Variants in BMPR2 observed in about 807,000 individuals in gnomAD.
BMPR2 encodes the protein bone morphogenetic protein receptor type-2.
BMPR2 carries 29 observed loss-of-function variants against 100.8 expected under a neutral mutation model. The observed-to-expected ratio is 0.29, with a 90% CI of 0.21 to 0.39. The LOEUF (loss-of-function observed/expected upper bound fraction) is 0.39. BMPR2 is among the 10% of genes least tolerant of loss of function. The pLI, the probability that BMPR2 is intolerant of heterozygous loss-of-function variation, is 1.00. For synonymous variants in BMPR2, 382 were observed against 442.3 expected (o/e 0.86, Z 1.71); for missense variants, 1,011 against 1,274.5 (o/e 0.79, Z 3.15).
At chr2:202,493,309 T>C (rs760495439) in intron 3 of BMPR2, among the ~76,000 whole-genome samples, 2 of 152,124 alleles carry the variant, frequency 1.3e-5, no homozygotes, top group African/African-American at 4.8e-5. Flanking sequence ...ACTTTTTTTT[T>C]AAAGTTGTAT....
chr2:202,432,273 A>G (rs1420935182), intron 1 of BMPR2, among the ~76,000 whole-genome samples: 1 of 150,870 alleles, frequency 6.6e-6, no homozygotes, highest in East Asian at 1.9e-4. Flanking sequence ...ATGTTCACAT[A>G]TAAGCAGAAA....
At position 202,562,817 on chromosome 2, in the gene BMPR2, T is replaced by G. The variant is rs1002805327; in HGVS notation, c.*2871T>G. The G allele has an allele frequency of 2.6e-5, 4 of 151,110 alleles. No individual in the cohort carries two copies. Among genetic ancestry groups the G allele is most frequent in the African/African-American group, 9.7e-5 (4 of 41,086 alleles). 9.4% of individuals were successfully genotyped at this position (151,110 alleles called of 1,614,324 possible). A position where few individuals can be genotyped will look rare whatever the true frequency, so the allele number is the denominator to read the frequency against. On this transcript the variant is annotated 3_prime_UTR_variant, in exon 13 of 13. Coordinates refer to ENST00000374580, the MANE Select transcript of BMPR2 (RefSeq NM_001204.7). Reference sequence around the variant, plus strand: ...TGATTTAATTGTAAATTCTTAAAACTTTCTAAATGCATAATTGGCAAAAAA... The same window carrying G: ...TGATTTAATTGTAAATTCTTAAAACGTTCTAAATGCATAATTGGCAAAAAA...
chr2:202,544,720 G>A (rs1688342198), intron 10 of BMPR2, among the ~76,000 whole-genome samples: 1 of 141,704 alleles, frequency 7.1e-6, no homozygotes, highest in African/African-American at 2.6e-5. Flanking sequence ...AAATTCAAAA[G>A]TTTCTTAAAT....
chr2:202,540,850 T>C (rs1166438215), intron 9 of BMPR2, among the ~76,000 whole-genome samples: 1 of 152,176 alleles, frequency 6.6e-6, no homozygotes, highest in African/African-American at 2.4e-5. Flanking sequence ...CTTGGCGTTC[T>C]TCCTTCTAAT....
At position 202,496,168 on chromosome 2, in the gene BMPR2, T is replaced by C. The variant is rs188886650; in HGVS notation, c.419-17551T>C. On this transcript the variant is annotated intron_variant, in intron 3 of 12. Transcript: ENST00000374580. The stretch of plus-strand genomic sequence containing the variant: ...TCCAAAAATCCAAATGCAGGCATTA[T>C]CCAGAAAAATTTAACAGGTTTATTT... Among the ~76,000 whole-genome samples, 354 of 152,290 alleles carry C rather than the reference T, an allele frequency of 2.3e-3. 1 individual carries two copies. The highest frequency in any genetic ancestry group is 8.0e-3 in the African/African-American group (333 of 41,546).
intron 1 of BMPR2, among the ~76,000 whole-genome samples, chr2:202,445,824 G>C (rs1411020883): frequency 2.1e-5 from 3 of 144,856 alleles, no homozygotes; most frequent in African/African-American, 8.2e-5. Flanking sequence ...GCCCAGGCTG[G>C]AGTGCAGTGG....
chr2:202,525,233 G>C (rs1181059959), intron 7 of BMPR2, among the ~76,000 whole-genome samples: 3 of 151,568 alleles, frequency 2.0e-5, no homozygotes, highest in Non-Finnish European at 2.9e-5. Context: ...TTTTTTTTGA[G>C]ATGAGTCTCG....
chr2:202,379,787 A>C (rs73050800), intron 1 of BMPR2, among the ~76,000 whole-genome samples: 32,939 of 151,880 alleles, frequency 0.22, 4,186 homozygotes, highest in East Asian at 0.54. Flanking sequence ...ATTTCTTTTG[A>C]TTCCCTCTTT....
chr2:202,555,403 G>C lies in BMPR2; in HGVS notation c.1738G>C (p.Gly580Arg), dbSNP rs1224341775. The C allele has an allele frequency of 1.2e-6, 2 of 1,613,952 alleles. No homozygotes were observed. Among genetic ancestry groups the C allele is most frequent in the Admixed American group, 3.3e-5 (2 of 59,974 alleles). ...TATGTCCAGCACACCTTTGACTATA[G>C]GGGAAAAAAACCGAAATTCAATTAA... ...HSMSSTPLTIGEKNRNSINYE... is the reference protein window; with the variant it reads ...HSMSSTPLTIREKNRNSINYE... Residue 580 changes from glycine to arginine, a missense_variant, in exon 12 of 13, where the codon GGG becomes CGG. By Grantham distance (125) the Gly-to-Arg change is moderately radical. This residue lies in a region of BMPR2 where 508 missense variants were observed against 552.0 expected (regional missense o/e 0.92). Transcript: ENST00000374580.
intron 3 of BMPR2, among the ~76,000 whole-genome samples, chr2:202,482,390 A>G (rs1197071147): frequency 1.3e-5 from 2 of 152,110 alleles, no homozygotes; most frequent in Non-Finnish European, 2.9e-5. Context: ...AATTTTTTTT[A>G]AGAGACAGGG....
chr2:202,533,299 C>T (rs1325872935), intron 9 of BMPR2, among the ~76,000 whole-genome samples: 4 of 152,088 alleles, frequency 2.6e-5, no homozygotes, highest in Non-Finnish European at 4.4e-5. Flanking sequence ...TGCCTATAAT[C>T]CCAGCACTTT....
intron 3 of BMPR2, among the ~76,000 whole-genome samples, chr2:202,476,653 G>T (rs1692558037): frequency 6.6e-6 from 1 of 152,138 alleles, no homozygotes; most frequent in African/African-American, 2.4e-5. Context: ...GCTGGGTGTG[G>T]TGGCATGCGC....
intron 3 of BMPR2, among the ~76,000 whole-genome samples, chr2:202,488,829 C>T (rs1474271425): frequency 3.9e-5 from 6 of 152,064 alleles, no homozygotes; most frequent in Non-Finnish European, 8.8e-5. Context: ...GTGTAACCAA[C>T]CTCCAGAACT....
chr2:202,435,288 C>T (rs1286338874), intron 1 of BMPR2, among the ~76,000 whole-genome samples: 3 of 145,648 alleles, frequency 2.1e-5, no homozygotes, highest in African/African-American at 8.1e-5. Flanking sequence ...TGCTTGAACC[C>T]ATGAGGCAGA....
intron 1 of BMPR2, among the ~76,000 whole-genome samples, chr2:202,388,396 CAAAAAAAAAAAA>C (rs71406975): frequency 2.7e-5 from 1 of 36,984 alleles, no homozygotes; most frequent in African/African-American, 1.2e-4. Context: ...GACTCCATCT[CAAAAAAAAAAAA>C]AAAAAAAAAA....
At chr2:202,511,187 T>C (rs1380785144) in intron 3 of BMPR2, among the ~76,000 whole-genome samples, 1 of 152,224 alleles carries the variant, frequency 6.6e-6, no homozygotes, top group Non-Finnish European at 1.5e-5. Context: ...TGGCAACTAC[T>C]AACCTGCTTT....
At chr2:202,487,210 A>G (rs1456276984) in intron 3 of BMPR2, among the ~76,000 whole-genome samples, 1 of 152,128 alleles carries the variant, frequency 6.6e-6, no homozygotes, top group Admixed American at 6.5e-5. Context: ...AATAAGTTTG[A>G]TTTTCAAGAG....
chr2:202,405,116 C>T (rs1056239263), intron 1 of BMPR2, among the ~76,000 whole-genome samples: 2 of 152,154 alleles, frequency 1.3e-5, no homozygotes, highest in Admixed American at 6.6e-5. Flanking sequence ...AGCCATCTCA[C>T]CTAGCCCTGT....
chr2:202,415,021 C>T (rs1357678376), intron 1 of BMPR2, among the ~76,000 whole-genome samples: 1 of 152,018 alleles, frequency 6.6e-6, no homozygotes, highest in Non-Finnish European at 1.5e-5. Context: ...TGTGAGCCAC[C>T]GTGCCCAGCC....
Sources: allele counts gnomAD v4.1 joint callset (sites outside exome capture counted in the v4.1 genomes callset), GRCh38; gene constraint gnomAD v4.1.1; regional missense constraint gnomAD v4.1.1; transcripts MANE v1.5; gene names NCBI Gene and HGNC (gene_info 2026-07-23, HGNC 2026-07-21).